PYGB: variants seen among roughly 807,000 people sequenced by gnomAD.
PYGB encodes the protein glycogen phosphorylase, brain form.
A neutral mutation model predicts 94.3 loss-of-function variants in PYGB; 82 were observed. That is an observed-to-expected ratio of 0.87 (90% CI 0.73 to 1.04). PYGB has a LOEUF of 1.04. PYGB is among the 50% of genes least tolerant of loss of function. The probability of loss-of-function intolerance (pLI) is 0.00; values close to 1 mark genes in which losing one functional copy is unlikely to be tolerated. For synonymous variants in PYGB, 488 were observed against 479.1 expected (o/e 1.02, Z -0.24); for missense variants, 1,132 against 1,158.2 (o/e 0.98, Z 0.33).
chr20:25,283,194 C>G lies in PYGB; in HGVS notation c.1537C>G (p.Leu513Val), dbSNP rs199750042. The G allele has an allele frequency of 5.0e-6, 8 of 1,613,740 alleles. No homozygotes were observed. Among genetic ancestry groups the G allele is most frequent in the Non-Finnish European group, 6.8e-6 (8 of 1,179,758 alleles). ...TCTCCAGAAAATTGGGGAGGAGTTCCTGACTGACCTGAGCCAGCTGAAGAA... is the reference window on the plus strand; with the variant it reads ...TCTCCAGAAAATTGGGGAGGAGTTCGTGACTGACCTGAGCCAGCTGAAGAA... ...TIVEKIGEEF[L>V]TDLSQLKKLL... is the part of the protein sequence containing the mutation. Residue 513 changes from leucine to valine, a missense_variant, in exon 13 of 20, where the codon CTG (leucine) becomes GTG (valine). Transcript: ENST00000216962.
intron 2 of PYGB, among the ~76,000 whole-genome samples, chr20:25,268,167 C>CCCCG (rs1555806072): frequency 1.1e-5 from 1 of 94,922 alleles, no homozygotes; most frequent in African/African-American, 3.8e-5. Flanking sequence ...ACCCGCCCCC[C>CCCCG]CCCCATATCC....
chr20:25,271,363 T>G lies in PYGB; in HGVS notation c.425-20T>G. 1.2e-6 allele frequency: 2 copies of G among 1,609,088 alleles called. No individual in the cohort carries two copies. The highest frequency in any genetic ancestry group is 1.7e-6 in the Non-Finnish European group (2 of 1,175,606). On this transcript the variant is annotated intron_variant, in intron 3 of 19. Transcript: ENST00000216962. ...GTGCCGTGCCTTTGATTCTGACTGA[T>G]TTGTGATTGATTTTTTCAGCGTGTT...
chr20:25,294,999 G>A, intron 18 of PYGB: 1 of 1,614,228 alleles, frequency 6.2e-7, no homozygotes, highest in Non-Finnish European at 8.5e-7. Context: ...CACATGCTGG[G>A]ATCTGGGCTG....
chr20:25,292,550 G>T lies in PYGB; in HGVS notation c.2114G>T (p.Gly705Val). The change falls in exon 17 of 20, where the codon GGG becomes GTG. Residue 705 changes from glycine (G) to valine (V), a missense_variant. Transcript: ENST00000216962. ...GANVEMAEEA[G>V]AENLFIFGLR... ...AACGTGGAGATGGCCGAGGAGGCCG[G>T]GGCCGAGAACCTCTTCATCTTCGGC... is the stretch of plus-strand genomic sequence containing the variant. 6.2e-7 allele frequency: 1 copy of T among 1,613,356 alleles called. No homozygotes were observed.
At chr20:25,281,987 G>A (rs2088371653) in intron 11 of PYGB, 46 bp from the exon 12 acceptor site, 2 of 1,498,780 alleles carry the variant, frequency 1.3e-6, no homozygotes, top group Non-Finnish European at 9.3e-7. Flanking sequence ...CTCACCTGGT[G>A]CAGGGCACAG....
At chr20:25,278,814 G>A (rs978261768) in intron 8 of PYGB, among the ~76,000 whole-genome samples, 11 of 152,196 alleles carry the variant, frequency 7.2e-5, no homozygotes, top group Non-Finnish European at 8.8e-5. Flanking sequence ...GCACATACCC[G>A]CAGCAGAGCA....
intron 15 of PYGB, among the ~76,000 whole-genome samples, chr20:25,289,654 A>AC (rs1193215758): frequency 4.6e-5 from 7 of 151,734 alleles, no homozygotes; most frequent in Non-Finnish European, 1.0e-4. Flanking sequence ...AGCAAAAAAA[A>AC]GAAAAAAAAA....
In PYGB at chr20:25,278,407, C is replaced by T. The variant is rs200427069; in HGVS notation, c.944C>T (p.Ser315Phe). The T allele has an allele frequency of 2.5e-6, 4 of 1,614,226 alleles. No individual in the cohort carries two copies. The highest frequency in any genetic ancestry group is 3.4e-6 in the Non-Finnish European group (4 of 1,180,040). ...LQDIIRRFKS[S>F]KFGCRDPVRT... Reference sequence around the variant, plus strand: ...GACATCATCCGCCGCTTCAAGTCGTCCAAGTTCGGCTGCCGGGACCCTGTG... The same window carrying T: ...GACATCATCCGCCGCTTCAAGTCGTTCAAGTTCGGCTGCCGGGACCCTGTG... Residue 315 changes from serine (S) to phenylalanine (F), a missense_variant, in exon 8 of 20, where the codon TCC becomes TTC. Physicochemically the swap from Ser to Phe is radical, Grantham distance 155. Coordinates refer to ENST00000216962, the MANE Select transcript of PYGB (RefSeq NM_002862.4).
At chr20:25,260,236 C>T (rs1297514093) in intron 2 of PYGB, among the ~76,000 whole-genome samples, 1 of 152,174 alleles carries the variant, frequency 6.6e-6, no homozygotes, top group Non-Finnish European at 1.5e-5. Flanking sequence ...CGTCTGTTTA[C>T]TGAGTGTTAA....
chr20:25,275,451 C>T (rs2088302754), intron 5 of PYGB, among the ~76,000 whole-genome samples: 1 of 152,180 alleles, frequency 6.6e-6, no homozygotes, highest in Admixed American at 6.5e-5. Flanking sequence ...GAGACTCAGC[C>T]ACCTGTGATG....
intron 11 of PYGB, among the ~76,000 whole-genome samples, chr20:25,281,464 G>T (rs957478840): frequency 1.3e-5 from 2 of 152,228 alleles, no homozygotes; most frequent in Non-Finnish European, 2.9e-5. Flanking sequence ...GGGCTTGAAG[G>T]TGGGATTCTT....
At chr20:25,270,201 GT>G (rs11475085) in intron 3 of PYGB, among the ~76,000 whole-genome samples, 71,064 of 129,648 alleles carry the variant, frequency 0.55, 18,875 homozygotes, top group East Asian at 0.97. Context: ...TTTTTGTTTT[GT>G]TTTGTTTTTT....
rs201090852 is a variant in PYGB at position 25,288,464 on chromosome 20, C to G, written c.1808C>G (p.Thr603Ser). 2.5e-5 allele frequency: 40 copies of G among 1,614,008 alleles called. No individual in the cohort carries two copies. The African/African-American group carries it at 4.5e-4, about 18-fold the overall frequency. Residue 603 changes from threonine to serine, a missense_variant, in exon 15 of 20, where the codon ACT (threonine) becomes AGT (serine). Coordinates refer to ENST00000216962, the MANE Select transcript of PYGB (RefSeq NM_002862.4). The part of the protein sequence containing the change: ...RDPAKAFVPR[T>S]VMIGGKAAPG... Reference sequence around the variant, plus strand: ...CCGGCCAAGGCTTTTGTGCCCAGGACTGTTATGATTGGGGGCAAGGTGAGT... The same window carrying G: ...CCGGCCAAGGCTTTTGTGCCCAGGAGTGTTATGATTGGGGGCAAGGTGAGT...
At chr20:25,281,550 G>A (rs1264784568) in intron 11 of PYGB, among the ~76,000 whole-genome samples, 1 of 152,264 alleles carries the variant, frequency 6.6e-6, no homozygotes, top group Non-Finnish European at 1.5e-5. Flanking sequence ...CGTAGCATGT[G>A]CTGAGCACCT....
chr20:25,283,046 G>A (rs567496607), intron 12 of PYGB, 130 bp from the exon 13 acceptor site: 33 of 745,996 alleles, frequency 4.4e-5, no homozygotes, highest in Non-Finnish European at 5.6e-5. Context: ...TGGGATGCCC[G>A]GAGGGGCCGG....
At chr20:25,289,014 G>A (rs748564499) in intron 15 of PYGB, among the ~76,000 whole-genome samples, 4 of 152,202 alleles carry the variant, frequency 2.6e-5, no homozygotes, top group Non-Finnish European at 4.4e-5. Flanking sequence ...GGGGTGCAGC[G>A]TCCTTAGGAG....
At chr20:25,294,865 A>C in intron 18 of PYGB, 1 of 1,307,082 alleles carries the variant, frequency 7.7e-7, no homozygotes, top group Non-Finnish European at 1.1e-6. Flanking sequence ...GCAAAAGTTG[A>C]ATCCGGCGAG....
chr20:25,282,813 C>T (rs2088380615), intron 12 of PYGB, among the ~76,000 whole-genome samples: 3 of 152,268 alleles, frequency 2.0e-5, no homozygotes, highest in African/African-American at 7.2e-5. Flanking sequence ...TTGAGGGGAC[C>T]GCCTGCTTCA....
intron 2 of PYGB, among the ~76,000 whole-genome samples, chr20:25,262,292 T>C (rs1472055712): frequency 2.6e-5 from 4 of 152,328 alleles, no homozygotes; most frequent in African/African-American, 9.6e-5. Flanking sequence ...TCGCAGAAAC[T>C]GCAAGCCAGA....
Sources: gnomAD v4.1 joint callset for allele counts (sites outside exome capture counted in the v4.1 genomes callset) on GRCh38, gnomAD v4.1.1 for gene constraint, MANE v1.5 for transcripts, NCBI Gene and HGNC (gene_info 2026-07-23, HGNC 2026-07-21) for gene names.